The following ADGRG2 variants were observed in gnomAD, a reference collection of about 807,000 sequenced individuals.
ADGRG2 encodes the protein G protein-coupled receptor 64.
A neutral mutation model predicts 74.1 loss-of-function variants in ADGRG2; 26 were observed. The ratio of observed to expected loss-of-function variants is 0.35; its 90% CI spans 0.26 to 0.49. The LOEUF is 0.49. ADGRG2 is among the 20% of genes least tolerant of loss of function. The pLI is 0.99. For missense variants in ADGRG2, 619 were observed against 763.1 expected (o/e 0.81, Z 2.22); for synonymous variants, 296 against 295.2 (o/e 1.00, Z -0.03).
intron 1 of ADGRG2, among the ~76,000 whole-genome samples, chrX:19,118,732 C>T (rs886311846): frequency 8.9e-6 from 1 of 111,764 alleles, no homozygotes; most frequent in Admixed American, 9.6e-5. Context: ...CCATCTTCTA[C>T]GTGTTTACCT....
chrX:19,100,973 G>A (rs768391204), intron 1 of ADGRG2, among the ~76,000 whole-genome samples: 6 of 112,998 alleles, frequency 5.3e-5, no homozygotes, highest in Non-Finnish European at 1.1e-4. Flanking sequence ...GTGAACATAT[G>A]GAAGAACTAG....
intron 28 of ADGRG2, among the ~76,000 whole-genome samples, chrX:18,993,516 TAA>T (rs780727929): frequency 8.6e-5 from 8 of 93,440 alleles, no homozygotes; most frequent in Middle Eastern, 5.1e-3. Context: ...GACTGCATCT[TAA>T]AAAAAAAAAA....
rs376010898 is a variant in ADGRG2, at chrX:19,056,431, C to A, written c.118+12286G>T. On this transcript the variant is annotated intron_variant, in intron 3 of 28. Transcript: ENST00000379869. ...GAACAGCCCCTTCTTTATGACTCAC[C>A]CTATCAGCTTTGCTCCTAGCGAATG... Among the ~76,000 whole-genome samples, 15 of 111,387 alleles carry A rather than the reference C, an allele frequency of 1.3e-4. No homozygotes were observed. The East Asian group carries it at 2.5e-3, about 19-fold the overall frequency.
At chrX:19,122,499 C>T (rs1232695508), upstream of ADGRG2, 3 of 110,987 alleles carry the variant, frequency 2.7e-5, no homozygotes, top group African/African-American at 9.7e-5. Context: ...CTTTTCCCCT[C>T]TCCGGGGCTG....
intron 1 of ADGRG2, among the ~76,000 whole-genome samples, chrX:19,085,499 G>C (rs370792253): frequency 4.5e-5 from 5 of 110,509 alleles, no homozygotes; most frequent in Non-Finnish European, 7.6e-5. Flanking sequence ...CGGCTAATTT[G>C]TTAGTTTTTT....
chrX:19,037,360 C>T (rs1283290474), intron 6 of ADGRG2, 107 bp downstream of exon 6: 2 of 592,138 alleles, frequency 3.4e-6, no homozygotes, highest in South Asian at 6.5e-5. Context: ...TGAAACTACT[C>T]GACGTATTCA....
At chrX:19,005,966 C>G in intron 22 of ADGRG2, 36 bp downstream of exon 22, 1 of 895,787 alleles carries the variant, frequency 1.1e-6, no homozygotes, top group Non-Finnish European at 1.6e-6. Flanking sequence ...ACCCCTCAGA[C>G]TCAGAATTTA....
rs1320616991 is a variant in ADGRG2, at chrX:19,064,463, C to T, written c.118+4254G>A. On this transcript the variant is annotated intron_variant, in intron 3 of 28. Transcript: ENST00000379869. Reference sequence around the variant, plus strand: ...TGGGCACACAGCAGGCAATCATTATCGCACAATTGATAACCCAGTGGAGAA... The same window carrying T: ...TGGGCACACAGCAGGCAATCATTATTGCACAATTGATAACCCAGTGGAGAA... Among the ~76,000 whole-genome samples, 11 of 112,101 alleles carry T rather than the reference C, an allele frequency of 9.8e-5. No homozygotes were observed. In the Admixed American group the frequency reaches 1.0e-3, roughly 11 times the overall value.
intron 28 of ADGRG2, among the ~76,000 whole-genome samples, chrX:18,992,313 G>A (rs943041288): frequency 1.8e-5 from 2 of 112,345 alleles, no homozygotes; most frequent in South Asian, 3.6e-4. Flanking sequence ...TTGTTGAGAC[G>A]GAGTCTCGTT....
At chrX:19,027,867 TAC>T (rs2060739659) in intron 10 of ADGRG2, among the ~76,000 whole-genome samples, 1 of 112,494 alleles carries the variant, frequency 8.9e-6, no homozygotes, top group Admixed American at 9.5e-5. Context: ...ATAGATTCAA[TAC>T]ACATATTTCT....
chrX:19,092,347 C>G (rs749344309), intron 1 of ADGRG2, among the ~76,000 whole-genome samples: 1 of 109,250 alleles, frequency 9.2e-6, no homozygotes, highest in Admixed American at 9.8e-5. Flanking sequence ...GTATCAATGA[C>G]AACAAATTAG....
intron 4 of ADGRG2, 50 bp downstream of exon 4, chrX:19,040,139 C>G (rs377398034): frequency 2.3e-6 from 2 of 854,076 alleles, no homozygotes; most frequent in Non-Finnish European, 3.5e-6. Context: ...AGAGAACTTA[C>G]AGAATAATAT....
chrX:19,087,309 C>T (rs915037421), intron 1 of ADGRG2, among the ~76,000 whole-genome samples: 4 of 112,842 alleles, frequency 3.5e-5, no homozygotes, highest in Non-Finnish European at 7.5e-5. Context: ...CTGCTCTGTA[C>T]GGTTGTGCAG....
intron 1 of ADGRG2, among the ~76,000 whole-genome samples, chrX:19,087,697 G>A (rs1664930807): frequency 8.9e-6 from 1 of 112,050 alleles, no homozygotes; most frequent in African/African-American, 3.2e-5. Flanking sequence ...CTGGTCATCA[G>A]TCTGGAGGGG....
At chrX:19,054,881 G>A (rs889839750) in intron 3 of ADGRG2, among the ~76,000 whole-genome samples, 1 of 111,421 alleles carries the variant, frequency 9.0e-6, no homozygotes, top group Non-Finnish European at 1.9e-5. Context: ...TAGGACCAGG[G>A]AGGTGCGGGG....
intron 12 of ADGRG2, 85 bp downstream of exon 12, chrX:19,023,824 A>G: frequency 4.6e-6 from 3 of 654,606 alleles, no homozygotes; most frequent in Non-Finnish European, 7.4e-6. Context: ...ATTTGAATAC[A>G]TATCTCCCAG....
intron 11 of ADGRG2, among the ~76,000 whole-genome samples, chrX:19,025,667 G>A (rs1403373917): frequency 9.0e-6 from 1 of 111,104 alleles, no homozygotes; most frequent in Non-Finnish European, 1.9e-5. Flanking sequence ...AGGCCGAGGT[G>A]GGCAGAACAC....
intron 3 of ADGRG2, among the ~76,000 whole-genome samples, chrX:19,056,068 G>A (rs773244319): frequency 5.3e-4 from 58 of 110,286 alleles, no homozygotes; most frequent in African/African-American, 1.9e-3. Flanking sequence ...GCCTGGAGGT[G>A]GCACACATCA....
At chrX:19,062,167 A>T (rs2061498669) in intron 3 of ADGRG2, among the ~76,000 whole-genome samples, 1 of 111,750 alleles carries the variant, frequency 8.9e-6, no homozygotes, top group East Asian at 2.8e-4. Context: ...CCCACTAAGA[A>T]CATGAGGGTA....
Sources: allele counts gnomAD v4.1 joint callset (sites outside exome capture counted in the v4.1 genomes callset), GRCh38; gene constraint gnomAD v4.1.1; transcripts MANE v1.5; gene names NCBI Gene and HGNC (gene_info 2026-07-23, HGNC 2026-07-21).